Variants in AQR observed in about 807,000 individuals in gnomAD.
The protein encoded by AQR is RNA helicase aquarius.
A neutral mutation model predicts 180.5 loss-of-function variants in AQR; 61 were observed. The ratio of observed to expected loss-of-function variants is 0.34; its 90% CI spans 0.28 to 0.42. The LOEUF (loss-of-function observed/expected upper bound fraction) is 0.42. AQR is among the 10% of genes least tolerant of loss of function. The pLI is 1.00. For missense variants in AQR, 1,281 were observed against 1,798.3 expected, an observed-to-expected ratio of 0.71 and a Z score of 5.20; for synonymous variants, 551 against 588.8, an observed-to-expected ratio of 0.94 and a Z score of 0.93.
chr15:34,945,960 T>C (rs539422654), intron 5 of AQR, among the ~76,000 whole-genome samples: 9 of 152,132 alleles, frequency 5.9e-5, no homozygotes, highest in Admixed American at 3.3e-4. Flanking sequence ...AAAGGAAAAA[T>C]AGATCCCAAA....
chr15:34,931,223 T>C (rs924338814), intron 11 of AQR, among the ~76,000 whole-genome samples: 4 of 152,154 alleles, frequency 2.6e-5, no homozygotes, highest in Non-Finnish European at 5.9e-5. Flanking sequence ...TTTGGCTTAG[T>C]TTCTCTTGCT....
At chr15:34,861,315 A>G (rs940774576) in intron 33 of AQR, among the ~76,000 whole-genome samples, 2 of 152,170 alleles carry the variant, frequency 1.3e-5, no homozygotes, top group African/African-American at 4.8e-5. Context: ...CCATGCTATT[A>G]TGACTAGGAA....
At chr15:34,897,898 T>TA (rs1480712573) in intron 20 of AQR, among the ~76,000 whole-genome samples, 193 bp from the exon 21 acceptor site, 1 of 152,204 alleles carries the variant, frequency 6.6e-6, no homozygotes, top group Non-Finnish European at 1.5e-5. Flanking sequence ...TTTTCAAATT[T>TA]AAAAAAGTCA....
intron 14 of AQR, among the ~76,000 whole-genome samples, chr15:34,919,165 G>A (rs1256659696): frequency 6.6e-6 from 1 of 151,682 alleles, no homozygotes; most frequent in Non-Finnish European, 1.5e-5. Flanking sequence ...CTTGAACCCG[G>A]GAGGCGGAAG....
chr15:34,919,935 AAAG>A lies in AQR; in HGVS notation c.1221+394_1221+396del, dbSNP rs988596531. Among the ~76,000 whole-genome samples, 24 of 152,208 alleles carry A rather than the reference AAAG, an allele frequency of 1.6e-4. 1 individual carries two copies. Among genetic ancestry groups the A allele is most frequent in the Admixed American group, 5.2e-4 (8 of 15,282 alleles). On this transcript the variant is annotated intron_variant, in intron 14 of 34. Coordinates refer to ENST00000156471, the MANE Select transcript of AQR (RefSeq NM_014691.3). ...CAAACAAACAAACAAAAAAACAAAA[AAAG>A]AAGAAGAATTCCTGAAAAAAATCCT...
At chr15:34,896,022 G>A (rs1893238255) in intron 22 of AQR, among the ~76,000 whole-genome samples, 1 of 152,160 alleles carries the variant, frequency 6.6e-6, no homozygotes, top group South Asian at 2.1e-4. Flanking sequence ...TACATTCTCT[G>A]ACCAAAATAG....
chr15:34,870,856 C>T lies in AQR; in HGVS notation c.3664G>A (p.Asp1222Asn), dbSNP rs769883199. The T allele has an allele frequency of 3.1e-6, 5 of 1,613,354 alleles. No homozygotes were observed. Among genetic ancestry groups the T allele is most frequent in the Non-Finnish European group, 4.2e-6 (5 of 1,179,622 alleles). Residue 1222 changes from aspartate (D) to asparagine (N), a missense_variant, in exon 31 of 35, where the codon GAC becomes AAC. Transcript: ENST00000156471. ...TATGTTGTTAGAATACTGATTTTGT[C>T]AGCAGGGTAACCAAGTAAACACATG... ...MYMCLLGYPA[D>N]KISILTTYNG...
chr15:34,860,275 C>T, intron 33 of AQR, 120 bp from the exon 34 acceptor site: 1 of 424,302 alleles, frequency 2.4e-6, no homozygotes, highest in Non-Finnish European at 4.1e-6. Flanking sequence ...GAAGACCTAA[C>T]AGTAAGAGGA....
intron 34 of AQR, among the ~76,000 whole-genome samples, chr15:34,858,689 C>G (rs1014374339): frequency 6.6e-6 from 1 of 152,160 alleles, no homozygotes; most frequent in African/African-American, 2.4e-5. Flanking sequence ...AATTTCCAGA[C>G]TGACTGTAAA....
chr15:34,948,371 T>C lies in AQR; in HGVS notation c.223A>G (p.Asn75Asp). ...MLLEFSQYLE[N>D]YLWMNYSPEV... ...GGAGAATAATTCATCCAGAGATAAT[T>C]TTCAAGATACTGGCTGTAAAGAGTA... Residue 75 changes from asparagine to aspartate, a missense_variant, in exon 5 of 35, where the codon AAT becomes GAT. This residue lies in a region of AQR where 404 missense variants were observed against 490.9 expected (regional missense o/e 0.82). Transcript: ENST00000156471. The C allele has an allele frequency of 6.2e-7, 1 of 1,612,644 alleles. No individual in the cohort carries two copies. The highest frequency in any genetic ancestry group is 2.2e-5 in the East Asian group (1 of 44,830).
chr15:34,873,730 T>C, intron 30 of AQR, 98 bp downstream of exon 30: 1 of 1,119,060 alleles, frequency 8.9e-7, no homozygotes, highest in Non-Finnish European at 1.2e-6. Flanking sequence ...GTTCCAACTT[T>C]CCTTTTCTCA....
At chr15:34,959,309 T>C (rs1894380972) in intron 3 of AQR, among the ~76,000 whole-genome samples, 2 of 152,112 alleles carry the variant, frequency 1.3e-5, no homozygotes, top group Non-Finnish European at 2.9e-5. Context: ...ACTACAGCCA[T>C]ACGCCACCAT....
intron 1 of AQR, among the ~76,000 whole-genome samples, chr15:34,967,522 A>G (rs1373982494): frequency 6.6e-6 from 1 of 152,152 alleles, no homozygotes; most frequent in Non-Finnish European, 1.5e-5. Flanking sequence ...AATCTCGTTT[A>G]AGTTGTCAGG....
intron 4 of AQR, among the ~76,000 whole-genome samples, chr15:34,950,295 G>A (rs1026921652): frequency 7.3e-5 from 11 of 151,648 alleles, no homozygotes; most frequent in Admixed American, 5.3e-4. Flanking sequence ...TCACCATGTT[G>A]GCCAGTATGG....
At chr15:34,886,336 T>A (rs1438396326) in intron 25 of AQR, among the ~76,000 whole-genome samples, 190 bp downstream of exon 25, 1 of 152,130 alleles carries the variant, frequency 6.6e-6, no homozygotes, top group Non-Finnish European at 1.5e-5. Context: ...TCAAGCAAAG[T>A]TATTTAGAAA....
intron 13 of AQR, among the ~76,000 whole-genome samples, chr15:34,925,434 A>T (rs1893745960): frequency 6.6e-6 from 1 of 152,266 alleles, no homozygotes; most frequent in Admixed American, 6.5e-5. Context: ...AATATGTAAC[A>T]AGTTTTAAAC....
At chr15:34,933,452 A>G (rs1453382386) in intron 10 of AQR, among the ~76,000 whole-genome samples, 1 of 113,044 alleles carries the variant, frequency 8.8e-6, no homozygotes, top group African/African-American at 2.5e-5. Context: ...ACCTAAGAGT[A>G]TGAAATCTTT....
At chr15:34,910,376 A>T in intron 16 of AQR, 63 bp from the exon 17 acceptor site, 1 of 1,541,110 alleles carries the variant, frequency 6.5e-7, no homozygotes, top group Non-Finnish European at 8.9e-7. Context: ...CTTTTAGACA[A>T]GTTAAAACTA....
chr15:34,952,881 T>C lies in AQR; in HGVS notation c.209+4A>G. On this transcript the variant is annotated splice_donor_region_variant and intron_variant, in intron 4 of 34. Transcript: ENST00000156471. ...TTTCATCAATGGAATGCCTTATAAC[T>C]TACCTAAATTCCAAGAGCATTATCT... The C allele has an allele frequency of 1.2e-5, 17 of 1,467,428 alleles. No homozygotes were observed. Among genetic ancestry groups the C allele is most frequent in the African/African-American group, 1.4e-5 (1 of 70,848 alleles). 90.9% of individuals were successfully genotyped at this position (1,467,428 alleles called of 1,614,324 possible). A position where few individuals can be genotyped will look rare whatever the true frequency, so the allele number is the denominator to read the frequency against.
Sources: gnomAD v4.1 joint callset for allele counts (sites outside exome capture counted in the v4.1 genomes callset) on GRCh38, gnomAD v4.1.1 for gene constraint, gnomAD v4.1.1 regional missense constraint, MANE v1.5 for transcripts, NCBI Gene and HGNC (gene_info 2026-07-23, HGNC 2026-07-21) for gene names.